The following BFSP2 variants were observed in gnomAD, a reference collection of about 807,000 sequenced individuals.
The protein encoded by BFSP2 is phakinin.
BFSP2 carries 38 observed loss-of-function variants against 44.9 expected under a neutral mutation model. The ratio of observed to expected loss-of-function variants is 0.85; its 90% CI spans 0.65 to 1.11. The LOEUF is 1.11. Among genes scored for constraint, BFSP2 ranks in the 50% least tolerant of loss-of-function variants. BFSP2 has a pLI of 0.00. For synonymous variants in BFSP2, 197 were observed against 209.9 expected (o/e 0.94, Z 0.53); for missense variants, 525 against 533.0 (o/e 0.99, Z 0.15).
intron 1 of BFSP2, among the ~76,000 whole-genome samples, chr3:133,430,584 C>T (rs2107904403): frequency 6.6e-6 from 1 of 152,274 alleles, no homozygotes; most frequent in South Asian, 2.1e-4. Flanking sequence ...AATTTTTCCA[C>T]CCTACAAGAT....
At chr3:133,418,053 C>A (rs2073560547) in intron 1 of BFSP2, among the ~76,000 whole-genome samples, 1 of 145,168 alleles carries the variant, frequency 6.9e-6, no homozygotes, top group Non-Finnish European at 1.5e-5. Context: ...CCTATCCTCT[C>A]CCCTCTACTC....
intron 1 of BFSP2, among the ~76,000 whole-genome samples, chr3:133,445,028 C>T (rs1434474372): frequency 3.9e-5 from 6 of 152,208 alleles, no homozygotes; most frequent in Non-Finnish European, 8.8e-5. Flanking sequence ...ACCTTTTTAA[C>T]CTCATCTCCT....
chr3:133,435,233 T>C (rs1459192362), intron 1 of BFSP2, among the ~76,000 whole-genome samples: 1 of 152,204 alleles, frequency 6.6e-6, no homozygotes, highest in African/African-American at 2.4e-5. Flanking sequence ...CTAGTGAAGC[T>C]TTCTCAGGTG....
intron 1 of BFSP2, among the ~76,000 whole-genome samples, chr3:133,436,292 C>T (rs6804530): frequency 4.9e-5 from 7 of 143,888 alleles, no homozygotes; most frequent in Non-Finnish European, 1.0e-4. Flanking sequence ...CTTTGCTGCA[C>T]TCCAGCCAGG....
chr3:133,415,928 C>T (rs1384431226), intron 1 of BFSP2, among the ~76,000 whole-genome samples: 1 of 142,768 alleles, frequency 7.0e-6, no homozygotes, highest in Non-Finnish European at 1.5e-5. Context: ...TGTACTCAGC[C>T]CTGCCATCTC....
chr3:133,419,251 CA>C (rs1221314866), intron 1 of BFSP2, among the ~76,000 whole-genome samples: 1 of 152,166 alleles, frequency 6.6e-6, no homozygotes, highest in African/African-American at 2.4e-5. Context: ...AATACAGTCA[CA>C]TTCTGGGGTA....
chr3:133,417,403 C>T (rs1200029431), intron 1 of BFSP2, among the ~76,000 whole-genome samples: 3 of 120,792 alleles, frequency 2.5e-5, no homozygotes, highest in African/African-American at 3.3e-5. Context: ...CCTGCCATCT[C>T]CCCTCTACTC....
chr3:133,466,677 C>CAACAAAAAAAAAAAAAAAA (rs1277623226), intron 4 of BFSP2, 151 bp from the exon 5 acceptor site: 1 of 182,404 alleles, frequency 5.5e-6, no homozygotes, highest in East Asian at 1.6e-4. Context: ...TTCATCTCAA[C>CAACAAAAAAAAAAAAAAAA]AAAAAAAAAA....
chr3:133,425,566 G>C (rs1275303575), intron 1 of BFSP2, among the ~76,000 whole-genome samples: 1 of 152,102 alleles, frequency 6.6e-6, no homozygotes, highest in Non-Finnish European at 1.5e-5. Flanking sequence ...CCACAAAACA[G>C]TATCAACTCA....
rs1189470603 is a variant in BFSP2, at chr3:133,431,316, C to T, written c.490-16001C>T. Among the ~76,000 whole-genome samples, 4 of 152,332 alleles carry T rather than the reference C, an allele frequency of 2.6e-5. No individual in the cohort carries two copies. In the East Asian group the frequency reaches 7.7e-4, roughly 29 times the overall value. ...GCCTCCACTCTGAGACAAATCCCAG[C>T]CACATCTCCAGCACACAAGAACTTC... On this transcript the variant is annotated intron_variant, in intron 1 of 6. Transcript: ENST00000302334.
At chr3:133,471,771 A>G (rs1027348445) in intron 5 of BFSP2, among the ~76,000 whole-genome samples, 10 of 152,096 alleles carry the variant, frequency 6.6e-5, no homozygotes, top group Non-Finnish European at 1.2e-4. Context: ...GATGGGCAAA[A>G]ATGTGCTACT....
chr3:133,458,739 G>A (rs762253535), intron 4 of BFSP2, among the ~76,000 whole-genome samples: 4 of 151,800 alleles, frequency 2.6e-5, no homozygotes, highest in Non-Finnish European at 5.9e-5. Flanking sequence ...ATTGTAGAGC[G>A]CTCTCTCAGG....
In BFSP2 at chr3:133,400,303, A is replaced by T; in HGVS notation, c.220A>T (p.Thr74Ser). 6.2e-7 allele frequency: 1 copy of T among 1,613,794 alleles called. No individual in the cohort carries two copies. The highest frequency in any genetic ancestry group is 8.5e-7 in the Non-Finnish European group (1 of 1,179,972). Residue 74 changes from threonine (T) to serine (S), a missense_variant, in exon 1 of 7, where the codon ACC becomes TCC. Thr to Ser is a moderately conservative substitution (Grantham distance 58). Coordinates refer to ENST00000302334, the MANE Select transcript of BFSP2 (RefSeq NM_003571.4). The surrounding 1 kb of genome is among the most constrained non-coding windows in gnomAD (Gnocchi z 4.0). ...GCIGGLGARV[T>S]RRALGISSVF... ...CATAGGTGGCTTGGGTGCCCGTGTG[A>T]CCCGCCGGGCCCTCGGCATCAGCAG...
Position 133,472,379 on chromosome 3 carries a change from A to G in BFSP2, c.1058A>G (p.Lys353Arg), listed in dbSNP as rs746239628. The change falls in exon 6 of 7, where the codon AAG (lysine) becomes AGG (arginine). Residue 353 changes from lysine (K) to arginine (R), a missense_variant. Coordinates refer to ENST00000302334, the MANE Select transcript of BFSP2 (RefSeq NM_003571.4). ...RGLENTLHDA[K>R]HWHDMELQNL... ...CTGGAGAACACCTTGCACGATGCCA[A>G]GCACTGGCATGACATGGAGCTCCAG... The G allele has an allele frequency of 2.5e-6, 4 of 1,613,766 alleles. No homozygotes were observed. The Admixed American group carries it at 6.7e-5, about 27-fold the overall frequency.
intron 3 of BFSP2, chr3:133,449,384 G>T (rs2141578): frequency 0.65 from 99,057 of 152,230 alleles, 35,368 homozygotes; most frequent in Middle Eastern, 0.87. Context: ...ATGCATAAAT[G>T]CCCTGTGCTG....
chr3:133,419,267 G>A (rs974847884), intron 1 of BFSP2, among the ~76,000 whole-genome samples: 7 of 152,090 alleles, frequency 4.6e-5, no homozygotes, highest in Non-Finnish European at 1.0e-4. Context: ...GGGGTACTGG[G>A]CCTTAGGATT....
chr3:133,428,728 G>A (rs187786013), intron 1 of BFSP2, among the ~76,000 whole-genome samples: 1 of 152,316 alleles, frequency 6.6e-6, no homozygotes, highest in Admixed American at 6.5e-5. Context: ...AGAGCCACCT[G>A]GGTGACTGGG....
intron 1 of BFSP2, among the ~76,000 whole-genome samples, chr3:133,417,389 T>C (rs1352747021): frequency 2.6e-4 from 14 of 54,124 alleles, no homozygotes; most frequent in African/African-American, 3.9e-4. Flanking sequence ...CCCCTCTACG[T>C]ACCCCTGCCA....
intron 4 of BFSP2, among the ~76,000 whole-genome samples, chr3:133,457,085 C>A (rs1336630123): frequency 6.6e-6 from 1 of 152,224 alleles, no homozygotes; most frequent in Non-Finnish European, 1.5e-5. Context: ...AAGATGACCT[C>A]TTGTGCTATT....
Sources: gnomAD v4.1 joint callset for allele counts (sites outside exome capture counted in the v4.1 genomes callset) on GRCh38, gnomAD v4.1.1 for gene constraint, Gnocchi (gnomAD v3.1) non-coding constraint, MANE v1.5 for transcripts, NCBI Gene and HGNC (gene_info 2026-07-23, HGNC 2026-07-21) for gene names.